EPB41L4B: variants seen among roughly 807,000 people sequenced by gnomAD.
EPB41L4B encodes erythrocyte membrane protein band 4.1 like 4B, also known as band 4.1-like protein 4B.
Under a neutral mutation model 112.5 loss-of-function variants are expected in EPB41L4B, and 30 were observed. The ratio of observed to expected loss-of-function variants is 0.27; its 90% CI spans 0.20 to 0.36. The LOEUF (loss-of-function observed/expected upper bound fraction) is 0.36. Ranked by LOEUF, EPB41L4B falls within the 10% of genes least tolerant of loss-of-function variation. EPB41L4B has a pLI of 1.00. For missense variants in EPB41L4B, 1,024 were observed against 1,133.3 expected, an observed-to-expected ratio of 0.90 and a Z score of 1.38; for synonymous variants, 408 against 439.7, an observed-to-expected ratio of 0.93 and a Z score of 0.90.
intron 15 of EPB41L4B, among the ~76,000 whole-genome samples, chr9:109,242,615 C>T (rs1482794850): frequency 2.0e-5 from 3 of 152,170 alleles, no homozygotes; most frequent in East Asian, 1.9e-4. Context: ...TAAACAATCA[C>T]GCTTTGGGGT....
intron 2 of EPB41L4B, among the ~76,000 whole-genome samples, chr9:109,273,150 C>G (rs1389951628): frequency 6.6e-6 from 1 of 152,162 alleles, no homozygotes; most frequent in Non-Finnish European, 1.5e-5. Context: ...CCTTTAGCAG[C>G]TTCCGATTCA....
chr9:109,186,085 C>T (rs1007407253), intron 22 of EPB41L4B, among the ~76,000 whole-genome samples: 1 of 152,134 alleles, frequency 6.6e-6, no homozygotes, highest in African/African-American at 2.4e-5. Context: ...TGCTCAGTGC[C>T]CTCCTGCACT....
chr9:109,278,851 T>C (rs928661096), intron 2 of EPB41L4B, among the ~76,000 whole-genome samples: 1 of 152,222 alleles, frequency 6.6e-6, no homozygotes, highest in African/African-American at 2.4e-5. Flanking sequence ...AAGCTAGATT[T>C]TGTTGGGAAG....
intron 23 of EPB41L4B, among the ~76,000 whole-genome samples, chr9:109,184,641 G>A (rs1168390074): frequency 6.6e-6 from 1 of 152,382 alleles, no homozygotes; most frequent in East Asian, 1.9e-4. Flanking sequence ...TGCTAAGGCT[G>A]TGGAGAAAAG....
chr9:109,195,328 C>T (rs529408515), intron 20 of EPB41L4B, among the ~76,000 whole-genome samples: 36 of 152,254 alleles, frequency 2.4e-4, no homozygotes, highest in South Asian at 2.1e-4. Flanking sequence ...CACGGGGCCA[C>T]GTGGGAACAT....
chr9:109,314,167 C>T (rs10979819), intron 1 of EPB41L4B, among the ~76,000 whole-genome samples: 11,529 of 152,172 alleles, frequency 0.076, 572 homozygotes, highest in East Asian at 0.14. Context: ...GAGAGAGGCC[C>T]GGGGAGGAGC....
chr9:109,309,777 G>C (rs1021294159), intron 1 of EPB41L4B, among the ~76,000 whole-genome samples: 4 of 151,632 alleles, frequency 2.6e-5, no homozygotes, highest in African/African-American at 7.3e-5. Flanking sequence ...GAGAGAGAGA[G>C]AGAGAGAGAG....
chr9:109,262,457 G>GTT (rs1204087372), intron 6 of EPB41L4B, among the ~76,000 whole-genome samples: 1 of 151,256 alleles, frequency 6.6e-6, no homozygotes, highest in African/African-American at 2.4e-5. Flanking sequence ...GTGGGGGTGT[G>GTT]TGTGTGTGTG....
At chr9:109,233,950 A>G (rs975575848) in intron 15 of EPB41L4B, among the ~76,000 whole-genome samples, 1 of 152,240 alleles carries the variant, frequency 6.6e-6, no homozygotes, top group Non-Finnish European at 1.5e-5. Flanking sequence ...CCTGATCTTT[A>G]TTAAGGAGCA....
chr9:109,208,150 A>G, intron 17 of EPB41L4B, 101 bp from the exon 18 acceptor site: 7 of 1,387,162 alleles, frequency 5.0e-6, no homozygotes, highest in Non-Finnish European at 6.0e-6. Flanking sequence ...ACAGACCTAC[A>G]TACATAGACA....
At chr9:109,255,955 A>T in intron 9 of EPB41L4B, 112 bp from the exon 10 acceptor site, 1 of 1,260,782 alleles carries the variant, frequency 7.9e-7, no homozygotes, top group Non-Finnish European at 1.1e-6. Flanking sequence ...AAATAAAAAC[A>T]TTCATCCAAG....
Position 109,258,259 on chromosome 9 carries a change from C to G in EPB41L4B, c.670G>C (p.Glu224Gln). 6.2e-7 allele frequency: 1 copy of G among 1,614,032 alleles called. No individual in the cohort carries two copies. The highest frequency in any genetic ancestry group is 8.5e-7 in the Non-Finnish European group (1 of 1,179,888). ...ATGAACCGAAACTCAGACACAAGCT[C>G]TGGTGTGTGTTCTGGAAGCTCGCAC... ...GECELPEHTP[E>Q]LVSEFRFIPN... is the part of the protein sequence containing the mutation. Residue 224 changes from glutamate to glutamine, a missense_variant, in exon 7 of 26, where the codon GAG becomes CAG. Transcript: ENST00000374566.
At chr9:109,284,793 T>G (rs1836207644) in intron 1 of EPB41L4B, among the ~76,000 whole-genome samples, 1 of 152,260 alleles carries the variant, frequency 6.6e-6, no homozygotes, top group Admixed American at 6.5e-5. Flanking sequence ...GTACTTTTCC[T>G]TCTTGACCTT....
intron 18 of EPB41L4B, among the ~76,000 whole-genome samples, chr9:109,207,293 G>A (rs1833018212): frequency 6.6e-6 from 1 of 152,160 alleles, no homozygotes; most frequent in South Asian, 2.1e-4. Context: ...TATTCAGGCT[G>A]GCACAATGGC....
At position 109,217,080 on chromosome 9, in the gene EPB41L4B, C is replaced by A. The variant is rs749430732; in HGVS notation, c.1475G>T (p.Gly492Val). The A allele has an allele frequency of 1.2e-6, 2 of 1,614,178 alleles. No individual in the cohort carries two copies. The highest frequency in any genetic ancestry group is 3.3e-5 in the Admixed American group (2 of 60,032). ...DRLPFGIEENGGTPFLTAASG... is the reference protein window; with the variant it reads ...DRLPFGIEENVGTPFLTAASG... ...AGCTGCGGTGAGGAACGGTGTGCCC[C>A]CATTCTCCTCAATGCCAAAAGGCAA... is the stretch of plus-strand genomic sequence containing the variant. Residue 492 changes from glycine to valine, a missense_variant, in exon 16 of 26, where the codon GGG (glycine) becomes GTG (valine). Gly to Val is a moderately radical substitution (Grantham distance 109, BLOSUM62 -3). Coordinates refer to ENST00000374566, the MANE Select transcript of EPB41L4B (RefSeq NM_019114.5).
chr9:109,228,634 A>G (rs1833860518), intron 15 of EPB41L4B, among the ~76,000 whole-genome samples: 1 of 152,212 alleles, frequency 6.6e-6, no homozygotes, highest in African/African-American at 2.4e-5. Flanking sequence ...CCTTGTTGAA[A>G]AAGAAAAAAG....
intron 1 of EPB41L4B, among the ~76,000 whole-genome samples, chr9:109,281,523 T>G (rs1836039798): frequency 6.6e-6 from 1 of 151,994 alleles, no homozygotes; most frequent in Non-Finnish European, 1.5e-5. Context: ...GCCAACATGG[T>G]GAAACCCTGT....
intron 20 of EPB41L4B, among the ~76,000 whole-genome samples, chr9:109,198,109 T>C (rs1832706565): frequency 6.6e-6 from 1 of 152,182 alleles, no homozygotes; most frequent in Admixed American, 6.5e-5. Flanking sequence ...TGACCAGAAG[T>C]TTCTATGAAG....
chr9:109,184,782 A>G (rs935213256), intron 23 of EPB41L4B, among the ~76,000 whole-genome samples: 2 of 152,220 alleles, frequency 1.3e-5, no homozygotes, highest in Non-Finnish European at 2.9e-5. Context: ...GCAAAAAGCT[A>G]TATGTGTTCT....
Sources: allele counts gnomAD v4.1 joint callset (sites outside exome capture counted in the v4.1 genomes callset), GRCh38; gene constraint gnomAD v4.1.1; transcripts MANE v1.5; gene names NCBI Gene and HGNC (gene_info 2026-07-23, HGNC 2026-07-21).